The following PRKCE variants were observed in gnomAD, a reference collection of about 807,000 sequenced individuals.
PRKCE encodes protein kinase C epsilon, also known as protein kinase C epsilon type.
In PRKCE, 16 loss-of-function variants were observed where a neutral mutation model predicts 85.4. That is an observed-to-expected ratio of 0.19 (90% confidence interval 0.13 to 0.28). The LOEUF (loss-of-function observed/expected upper bound fraction) is 0.28. Among genes scored for constraint, PRKCE ranks in the 10% least tolerant of loss-of-function variants. PRKCE has a pLI of 1.00. For missense variants in PRKCE, 573 were observed against 975.2 expected (o/e 0.59, Z 5.49); for synonymous variants, 388 against 371.5 (o/e 1.04, Z -0.51).
At chr2:46,158,756 C>T (rs541970954) in intron 13 of PRKCE, among the ~76,000 whole-genome samples, 9 of 152,306 alleles carry the variant, frequency 5.9e-5, no homozygotes, top group African/African-American at 2.2e-4. Context: ...TACATACATG[C>T]CATTATTTCG....
intron 1 of PRKCE, among the ~76,000 whole-genome samples, chr2:45,723,410 C>T (rs1449664188): frequency 6.6e-6 from 1 of 152,158 alleles, no homozygotes; most frequent in East Asian, 1.9e-4. Flanking sequence ...TGTTAATTTT[C>T]AACACAGATG....
intron 1 of PRKCE, among the ~76,000 whole-genome samples, chr2:45,725,829 CAA>C (rs56828673): frequency 6.9e-6 from 1 of 144,782 alleles, no homozygotes; most frequent in African/African-American, 2.6e-5. Flanking sequence ...GACTCCATCT[CAA>C]AAAAAAAACA....
At chr2:46,098,958 A>G (rs2104047010) in intron 11 of PRKCE, among the ~76,000 whole-genome samples, 1 of 152,228 alleles carries the variant, frequency 6.6e-6, no homozygotes, top group Admixed American at 6.5e-5. Flanking sequence ...AGGGGGTACC[A>G]TAGTGAGCTG....
chr2:45,805,499 G>C (rs1283723800), intron 1 of PRKCE, among the ~76,000 whole-genome samples: 1 of 152,214 alleles, frequency 6.6e-6, no homozygotes, highest in South Asian at 2.1e-4. Context: ...CAGAGGACAG[G>C]TGTGGGTCCT....
intron 2 of PRKCE, among the ~76,000 whole-genome samples, chr2:45,917,241 A>C (rs916351463): frequency 4.6e-5 from 7 of 152,144 alleles, no homozygotes; most frequent in African/African-American, 1.7e-4. Context: ...GTGTCCACAC[A>C]AAGGTTCTCC....
intron 1 of PRKCE, among the ~76,000 whole-genome samples, chr2:45,669,785 C>T (rs1019992937): frequency 3.6e-4 from 54 of 152,112 alleles, no homozygotes; most frequent in African/African-American, 1.3e-3. Flanking sequence ...CCAAGGTGGG[C>T]GTATCACTTG....
At chr2:46,049,056 C>A (rs760682042) in intron 10 of PRKCE, among the ~76,000 whole-genome samples, 10 of 152,110 alleles carry the variant, frequency 6.6e-5, no homozygotes, top group African/African-American at 1.7e-4. Context: ...AGTCCCAGGG[C>A]CTTCCTTGGA....
intron 1 of PRKCE, among the ~76,000 whole-genome samples, chr2:45,816,099 C>T (rs1689018988): frequency 6.6e-6 from 1 of 152,148 alleles, no homozygotes; most frequent in Non-Finnish European, 1.5e-5. Context: ...TTTACTTATG[C>T]TTGTATTTAT....
chr2:45,799,541 G>A (rs987763444), intron 1 of PRKCE, among the ~76,000 whole-genome samples: 41 of 152,174 alleles, frequency 2.7e-4, no homozygotes, highest in African/African-American at 9.6e-4. Flanking sequence ...TCTAGCCTGG[G>A]CAACGTAGCA....
intron 10 of PRKCE, among the ~76,000 whole-genome samples, chr2:46,020,270 C>T (rs1288082651): frequency 1.3e-5 from 2 of 152,132 alleles, no homozygotes; most frequent in Non-Finnish European, 1.5e-5. Flanking sequence ...CACGCACCAC[C>T]TACTCCACCT....
Position 46,068,328 on chromosome 2 carries a change from A to G in PRKCE, c.1438-17880A>G, listed in dbSNP as rs879925127. ...GCCCTGGGAAACAAGACAATAAAAC[A>G]GTGTTGAATTAGGTTTTCTAGAGTA... On this transcript the variant is annotated intron_variant, in intron 10 of 14. Coordinates refer to ENST00000306156, the MANE Select transcript of PRKCE (RefSeq NM_005400.3). This position sits in a 1 kb window ranked among gnomAD's most constrained non-coding sequence, Gnocchi z 4.3. Among the ~76,000 whole-genome samples the G allele has an allele frequency of 1.3e-5, 2 of 152,252 alleles. No individual in the cohort carries two copies. Among genetic ancestry groups the G allele is most frequent in the Non-Finnish European group, 2.9e-5 (2 of 68,040 alleles).
At chr2:45,777,182 A>C (rs1427420017) in intron 1 of PRKCE, among the ~76,000 whole-genome samples, 1 of 152,210 alleles carries the variant, frequency 6.6e-6, no homozygotes, top group African/African-American at 2.4e-5. Flanking sequence ...AAATAGTGGG[A>C]TCTAACCTTG....
At chr2:45,659,305 A>G (rs949921396) in intron 1 of PRKCE, among the ~76,000 whole-genome samples, 1 of 152,178 alleles carries the variant, frequency 6.6e-6, no homozygotes, top group Non-Finnish European at 1.5e-5. Context: ...GACGCCTGTA[A>G]TTCTCAGGTG....
At chr2:46,032,168 A>C (rs1707568128) in intron 10 of PRKCE, among the ~76,000 whole-genome samples, 1 of 152,180 alleles carries the variant, frequency 6.6e-6, no homozygotes. Flanking sequence ...ATTGCTTTAC[A>C]AAGTCCTTTG....
At chr2:45,880,864 A>G (rs1307111006) in intron 2 of PRKCE, among the ~76,000 whole-genome samples, 3 of 152,224 alleles carry the variant, frequency 2.0e-5, no homozygotes, top group Non-Finnish European at 2.9e-5. Flanking sequence ...TTAAGATTTC[A>G]GGGTGTAGGC....
At chr2:45,898,183 C>G (rs959659666) in intron 2 of PRKCE, among the ~76,000 whole-genome samples, 1 of 152,170 alleles carries the variant, frequency 6.6e-6, no homozygotes, top group Non-Finnish European at 1.5e-5. Flanking sequence ...CACAACTCAT[C>G]GCTTCACCTT....
In PRKCE at chr2:46,086,377, C is replaced by T. The variant is rs748486039; in HGVS notation, c.1592+15C>T. 1.7e-5 allele frequency: 27 copies of T among 1,590,628 alleles called. No homozygotes were observed. Among genetic ancestry groups the T allele is most frequent in the Middle Eastern group, 1.7e-4 (1 of 6,030 alleles). ...GTCATCTACAGGTAGCCTCTTCTCT[C>T]CTCCTCTTTCCTGAAAGTGAAGAAA... On this transcript the variant is annotated intron_variant, in intron 11 of 14. Coordinates refer to ENST00000306156, the MANE Select transcript of PRKCE (RefSeq NM_005400.3).
At chr2:45,935,597 T>C (rs369800779) in intron 2 of PRKCE, among the ~76,000 whole-genome samples, 20 of 152,128 alleles carry the variant, frequency 1.3e-4, no homozygotes, top group African/African-American at 4.8e-4. Flanking sequence ...GACTAGCCTG[T>C]CCATCATGGT....
chr2:46,050,630 C>T (rs937048604), intron 10 of PRKCE, among the ~76,000 whole-genome samples: 32 of 152,166 alleles, frequency 2.1e-4, no homozygotes, highest in Non-Finnish European at 4.7e-4. Flanking sequence ...TCCTGCCTTC[C>T]CAGCCAGCAC....
Sources: allele counts gnomAD v4.1 joint callset (sites outside exome capture counted in the v4.1 genomes callset), GRCh38; gene constraint gnomAD v4.1.1; non-coding constraint Gnocchi (gnomAD v3.1); transcripts MANE v1.5; gene names NCBI Gene and HGNC (gene_info 2026-07-23, HGNC 2026-07-21).